EIF2AK3: variants seen among roughly 807,000 people sequenced by gnomAD.
EIF2AK3 encodes eukaryotic translation initiation factor 2-alpha kinase 3.
Under a neutral mutation model 113.5 loss-of-function variants are expected in EIF2AK3, and 50 were observed. That is an observed-to-expected ratio of 0.44 (90% CI 0.35 to 0.56). EIF2AK3 has a LOEUF of 0.56. Ranked by LOEUF, EIF2AK3 falls within the 20% of genes least tolerant of loss-of-function variation. The pLI is 0.00. For missense variants in EIF2AK3, 1,185 were observed against 1,378.0 expected, an observed-to-expected ratio of 0.86 and a Z score of 2.22; for synonymous variants, 448 against 495.4, an observed-to-expected ratio of 0.90 and a Z score of 1.27.
intron 14 of EIF2AK3, among the ~76,000 whole-genome samples, chr2:88,563,503 C>T (rs973494710): frequency 6.6e-6 from 1 of 152,166 alleles, no homozygotes. Flanking sequence ...GACACCCTCA[C>T]ACACTATTTG....
At chr2:88,617,607 A>AT (rs1675617143) in intron 1 of EIF2AK3, among the ~76,000 whole-genome samples, 1 of 152,074 alleles carries the variant, frequency 6.6e-6, no homozygotes, top group East Asian at 1.9e-4. Flanking sequence ...ATAAAAAAAA[A>AT]TTAGCCGGGC....
intron 2 of EIF2AK3, among the ~76,000 whole-genome samples, chr2:88,610,153 A>G (rs1675397145): frequency 6.6e-6 from 1 of 151,926 alleles, no homozygotes; most frequent in Non-Finnish European, 1.5e-5. Flanking sequence ...AAACAAAACA[A>G]CTTGGATCTG....
chr2:88,565,361 A>T (rs1301923259), intron 14 of EIF2AK3, among the ~76,000 whole-genome samples: 8 of 135,218 alleles, frequency 5.9e-5, no homozygotes, highest in Non-Finnish European at 1.1e-4. Context: ...TTTTTTTTTT[A>T]AAGGGGTTTC....
intron 11 of EIF2AK3, among the ~76,000 whole-genome samples, chr2:88,578,825 A>G (rs1174004632): frequency 5.9e-5 from 9 of 152,228 alleles, no homozygotes; most frequent in Non-Finnish European, 8.8e-5. Flanking sequence ...GATATTGTCA[A>G]AAGGTACATA....
At chr2:88,595,206 CAAAAAAAAAAAA>C (rs11339424) in intron 3 of EIF2AK3, among the ~76,000 whole-genome samples, 2 of 59,458 alleles carry the variant, frequency 3.4e-5, no homozygotes, top group African/African-American at 1.4e-4. Context: ...GACTCTGTCT[CAAAAAAAAAAAA>C]AAAAAAAAAA....
chr2:88,616,047 T>C (rs1243590638), intron 1 of EIF2AK3, among the ~76,000 whole-genome samples: 2 of 152,300 alleles, frequency 1.3e-5, no homozygotes, highest in East Asian at 1.9e-4. Flanking sequence ...CTCAGTTCTA[T>C]GCTATTCTGT....
chr2:88,586,150 A>C (rs1674726285), intron 8 of EIF2AK3, 89 bp from the exon 9 acceptor site: 16 of 1,010,514 alleles, frequency 1.6e-5, no homozygotes, highest in Non-Finnish European at 2.4e-5. Context: ...TTTTCCTGTG[A>C]CTTATCACAT....
In EIF2AK3 at chr2:88,574,674, C is replaced by T. The variant is rs1674405876; in HGVS notation, c.2809G>A (p.Asp937Asn). 6.2e-7 allele frequency: 1 copy of T among 1,614,086 alleles called. No homozygotes were observed. Among genetic ancestry groups the T allele is most frequent in the Non-Finnish European group, 8.5e-7 (1 of 1,179,994 alleles). The change falls in exon 13 of 17, where the codon GAC (aspartate) becomes AAC (asparagine). Residue 937 changes from aspartate (D) to asparagine (N), a missense_variant. By Grantham distance (23) the Asp-to-Asn change is conservative. This residue lies in a region of EIF2AK3 where 877 missense variants were observed against 1,024.2 expected (regional missense o/e 0.86). Coordinates refer to ENST00000303236, the MANE Select transcript of EIF2AK3 (RefSeq NM_004836.7). ...FLHSKGLMHR[D>N]LKPSNIFFTM... ...GCTCCACAAATACAGACCTTGAGGT[C>T]CCTGTGCATCAGTCCTTTACTGTGA...
intron 2 of EIF2AK3, among the ~76,000 whole-genome samples, chr2:88,613,157 CAG>C (rs1393019334): frequency 1.6e-4 from 25 of 152,134 alleles, no homozygotes. Context: ...AGTCATGTGA[CAG>C]AGTAATTTTG....
intron 13 of EIF2AK3, among the ~76,000 whole-genome samples, chr2:88,573,786 T>C (rs1325739441): frequency 6.6e-6 from 1 of 152,180 alleles, no homozygotes; most frequent in Non-Finnish European, 1.5e-5. Flanking sequence ...ATAGCTACTT[T>C]TGTGCCTGAA....
At chr2:88,576,770 T>G in intron 11 of EIF2AK3, 67 bp from the exon 12 acceptor site, 1 of 1,552,042 alleles carries the variant, frequency 6.4e-7, no homozygotes, top group African/African-American at 1.4e-5. Flanking sequence ...TTACAAATTA[T>G]ATGACTTATA....
chr2:88,557,685 A>C lies in EIF2AK3; in HGVS notation c.*51T>G. The C allele has an allele frequency of 1.3e-6, 2 of 1,589,954 alleles. No homozygotes were observed. The highest frequency in any genetic ancestry group is 1.7e-6 in the Non-Finnish European group (2 of 1,158,066). On this transcript the variant is annotated 3_prime_UTR_variant, in exon 17 of 17. Coordinates refer to ENST00000303236, the MANE Select transcript of EIF2AK3 (RefSeq NM_004836.7). ...CAATTTTGGACAGGCATATTCTAAG[A>C]AGTAGGCTATTATCTGCATCACCTA...
rs138270039 is a variant in EIF2AK3, at chr2:88,607,073, A to G, written c.438+6651T>C. On this transcript the variant is annotated intron_variant, in intron 2 of 16. Coordinates refer to ENST00000303236, the MANE Select transcript of EIF2AK3 (RefSeq NM_004836.7). ...TTAGTTATATATACACAATTACAAT[A>G]TGCATTCTGAATAACAATAAGGAAG... Among the ~76,000 whole-genome samples the G allele has an allele frequency of 1.1e-4, 17 of 152,342 alleles. No individual in the cohort carries two copies. In the East Asian group the frequency reaches 3.3e-3, roughly 29 times the overall value.
chr2:88,610,178 A>C (rs1277386541), intron 2 of EIF2AK3, among the ~76,000 whole-genome samples: 2 of 152,260 alleles, frequency 1.3e-5, no homozygotes, highest in East Asian at 3.9e-4. Flanking sequence ...TTTGCGCTTC[A>C]CAGCTTCCCA....
chr2:88,564,127 T>G (rs1391846496), intron 14 of EIF2AK3, among the ~76,000 whole-genome samples: 3 of 152,222 alleles, frequency 2.0e-5, no homozygotes, highest in Non-Finnish European at 4.4e-5. Context: ...TTTGAATTGT[T>G]TAATCGCTGT....
chr2:88,605,406 T>C (rs1252639529), intron 2 of EIF2AK3, among the ~76,000 whole-genome samples: 1 of 152,186 alleles, frequency 6.6e-6, no homozygotes, highest in Admixed American at 6.5e-5. Flanking sequence ...AAAGCTTAAT[T>C]ATGCAAGGTC....
intron 3 of EIF2AK3, chr2:88,593,978 CTGT>C: frequency 1.0e-5 from 10 of 988,134 alleles, no homozygotes; most frequent in Non-Finnish European, 1.2e-5. Context: ...GGGTTCAATC[CTGT>C]TGTTTACAGA....
intron 3 of EIF2AK3, 45 bp downstream of exon 3, chr2:88,595,424 A>G (rs768394459): frequency 1.3e-6 from 2 of 1,579,510 alleles, no homozygotes; most frequent in South Asian, 1.1e-5. Context: ...TTTCTACCCT[A>G]ATTTACTCTG....
intron 14 of EIF2AK3, among the ~76,000 whole-genome samples, chr2:88,564,275 G>A (rs1674043964): frequency 6.6e-6 from 1 of 152,116 alleles, no homozygotes; most frequent in African/African-American, 2.4e-5. Context: ...CAATGTTTTA[G>A]TATAGCTTCT....
Sources: allele counts gnomAD v4.1 joint callset (sites outside exome capture counted in the v4.1 genomes callset), GRCh38; gene constraint gnomAD v4.1.1; regional missense constraint gnomAD v4.1.1; transcripts MANE v1.5; gene names NCBI Gene and HGNC (gene_info 2026-07-23, HGNC 2026-07-21).